IGSF5: variants seen among roughly 807,000 people sequenced by gnomAD.
IGSF5 encodes the protein immunoglobulin superfamily member 5.
Under a neutral mutation model 39.4 loss-of-function variants are expected in IGSF5, and 41 were observed. The ratio of observed to expected loss-of-function variants is 1.04; its 90% CI spans 0.81 to 1.35. The LOEUF is 1.35. Ranked by LOEUF, IGSF5 falls within the 40% of genes most tolerant of loss-of-function variation. IGSF5 has a pLI of 0.00. For missense variants in IGSF5, 487 were observed against 494.6 expected (o/e 0.98, Z 0.15); for synonymous variants, 183 against 175.3 (o/e 1.04, Z -0.34).
chr21:39,773,247 C>T (rs1011032111), intron 4 of IGSF5, among the ~76,000 whole-genome samples: 26 of 152,088 alleles, frequency 1.7e-4, no homozygotes, highest in Admixed American at 1.2e-3. Context: ...TCTGTTCCTA[C>T]ATTAGTTTGC....
At chr21:39,737,185 A>G in the IGSF5 span, among the ~76,000 whole-genome samples, 2 of 151,562 alleles carry the variant, frequency 1.3e-5, no homozygotes, top group African/African-American at 4.8e-5. Flanking sequence ...TTCGTGTGAA[A>G]AAAAAAAAAA....
chr21:39,782,365 A>G (rs1328258452), intron 5 of IGSF5, among the ~76,000 whole-genome samples: 3 of 152,248 alleles, frequency 2.0e-5, no homozygotes, highest in Admixed American at 1.3e-4. Flanking sequence ...CAAAATCTAC[A>G]TAAAATTTTC....
At chr21:39,768,124 C>T (rs1369710074) in intron 3 of IGSF5, among the ~76,000 whole-genome samples, 1 of 152,108 alleles carries the variant, frequency 6.6e-6, no homozygotes. Context: ...AAAGAGCAAG[C>T]ATCTAGAGAA....
intron 2 of IGSF5, among the ~76,000 whole-genome samples, chr21:39,764,868 A>G (rs2080078100): frequency 6.6e-6 from 1 of 152,190 alleles, no homozygotes. Context: ...GAATGACATC[A>G]GAAGGGAAAA....
intron 1 of IGSF5, 150 bp downstream of exon 1, chr21:39,745,676 C>T (rs897096506): frequency 1.3e-5 from 8 of 620,688 alleles, no homozygotes; most frequent in Admixed American, 1.0e-4. Context: ...AAGCTGGCTC[C>T]AGGCAGACCA....
At chr21:39,767,363 C>T (rs927382997) in intron 3 of IGSF5, among the ~76,000 whole-genome samples, 2 of 152,138 alleles carry the variant, frequency 1.3e-5, no homozygotes, top group African/African-American at 4.8e-5. Flanking sequence ...TGATTCAATT[C>T]CCTGCACATT....
intron 3 of IGSF5, among the ~76,000 whole-genome samples, chr21:39,769,055 T>C (rs886104119): frequency 2.6e-5 from 4 of 152,212 alleles, no homozygotes; most frequent in Non-Finnish European, 5.9e-5. Flanking sequence ...TCCAGATGAC[T>C]GAAGTGTAAC....
intron 4 of IGSF5, among the ~76,000 whole-genome samples, chr21:39,772,322 G>A (rs1339757694): frequency 3.9e-5 from 6 of 152,226 alleles, no homozygotes; most frequent in Non-Finnish European, 8.8e-5. Context: ...ATGACAGGCA[G>A]TCTGTCTCCA....
chr21:39,801,498 T>A lies in IGSF5; in HGVS notation c.*141T>A. On this transcript the variant is annotated 3_prime_UTR_variant, in exon 9 of 9. Coordinates refer to ENST00000380588, the MANE Select transcript of IGSF5 (RefSeq NM_001080444.2). ...GAGATGTCGGAGTCATCAGAACTGA[T>A]ACTTGACAGTGAGAGAAGGAATCGA... 1.9e-6 allele frequency: 1 copy of A among 519,568 alleles called. No homozygotes were observed. The highest frequency in any genetic ancestry group is 3.8e-5 in the South Asian group (1 of 26,238). 32.2% of individuals were successfully genotyped at this position (519,568 alleles called of 1,614,324 possible).
chr21:39,782,088 C>CT (rs2080173704), intron 5 of IGSF5, among the ~76,000 whole-genome samples: 1 of 152,190 alleles, frequency 6.6e-6, no homozygotes, highest in African/African-American at 2.4e-5. Context: ...ACTGAAATCT[C>CT]TGTCTTTGGC....
At chr21:39,742,884 C>T (rs2079954279), upstream of IGSF5, among the ~76,000 whole-genome samples, 1 of 152,090 alleles carries the variant, frequency 6.6e-6, no homozygotes, top group African/African-American at 2.4e-5. Flanking sequence ...TTGCTCCAGG[C>T]CTAAGACAGA....
At chr21:39,742,042 T>C (rs1242310135), upstream of IGSF5, among the ~76,000 whole-genome samples, 1 of 151,924 alleles carries the variant, frequency 6.6e-6, no homozygotes, top group Non-Finnish European at 1.5e-5. Context: ...GGGTACTGCC[T>C]TTGATAGGGA....
chr21:39,754,018 G>A (rs1179102059), intron 2 of IGSF5, among the ~76,000 whole-genome samples: 2 of 151,990 alleles, frequency 1.3e-5, no homozygotes, highest in Non-Finnish European at 2.9e-5. Flanking sequence ...GTGAGGTACT[G>A]TTGTATTCAT....
the IGSF5 span, among the ~76,000 whole-genome samples, chr21:39,720,439 G>T: frequency 6.6e-6 from 1 of 152,176 alleles, no homozygotes; most frequent in Admixed American, 6.5e-5. Flanking sequence ...GGAATAGAAG[G>T]TTCCCATATA....
At chr21:39,799,288 C>T (rs2087015231) in intron 8 of IGSF5, among the ~76,000 whole-genome samples, 1 of 152,164 alleles carries the variant, frequency 6.6e-6, no homozygotes, top group African/African-American at 2.4e-5. Flanking sequence ...GCTTGCTGAA[C>T]ACGGAGGTGC....
intron 2 of IGSF5, among the ~76,000 whole-genome samples, chr21:39,758,891 A>C (rs2146275879): frequency 6.6e-6 from 1 of 152,342 alleles, no homozygotes; most frequent in East Asian, 1.9e-4. Context: ...TTTGAAGAAT[A>C]ATAGACATAC....
rs1217254281 is a variant in IGSF5 at position 39,771,106 on chromosome 21, G to T, written c.609G>T (p.Leu203=). 3.7e-6 allele frequency: 6 copies of T among 1,613,264 alleles called. No homozygotes were observed. Among genetic ancestry groups the T allele is most frequent in the Non-Finnish European group, 5.1e-6 (6 of 1,179,688 alleles). ...ACCTTCAAAGTGCAGTGAGCATCCT[G>T]GCTCTGACCCCACAGAGCAATGGGA... ...PSDLQSAVSI[L]ALTPQSNGTL... is the part of the protein sequence containing the mutation. Residue 203 remains leucine (L), a synonymous_variant, in exon 4 of 9, where the codon CTG becomes CTT. Transcript: ENST00000380588.
intron 8 of IGSF5, among the ~76,000 whole-genome samples, chr21:39,795,926 A>G (rs764592399): frequency 2.0e-5 from 3 of 152,172 alleles, no homozygotes; most frequent in Admixed American, 2.0e-4. Context: ...AATGAGGGTT[A>G]TTAAATAACT....
intron 2 of IGSF5, among the ~76,000 whole-genome samples, chr21:39,756,084 C>T (rs1431744787): frequency 1.5e-5 from 2 of 136,464 alleles, no homozygotes; most frequent in East Asian, 2.2e-4. Context: ...GAGCGGGACT[C>T]GGTCTCAAAC....
Sources: allele counts gnomAD v4.1 joint callset (sites outside exome capture counted in the v4.1 genomes callset), GRCh38; gene constraint gnomAD v4.1.1; transcripts MANE v1.5; gene names NCBI Gene and HGNC (gene_info 2026-07-23, HGNC 2026-07-21).